Variants in RUNX1 observed in about 807,000 individuals in gnomAD.
The protein encoded by RUNX1 is runt-related transcription factor 1.
RUNX1 carries 19 observed loss-of-function variants against 42.8 expected under a neutral mutation model. The observed-to-expected ratio is 0.44, with a 90% CI of 0.31 to 0.65. The LOEUF (loss-of-function observed/expected upper bound fraction) is 0.65. Among genes scored for constraint, RUNX1 ranks in the 30% least tolerant of loss-of-function variants. RUNX1 has a pLI of 0.07. For synonymous variants in RUNX1, 271 were observed against 289.4 expected (o/e 0.94, Z 0.64); for missense variants, 528 against 672.0 (o/e 0.79, Z 2.37).
chr21:34,847,887 T>C (rs1438879163), intron 6 of RUNX1, among the ~76,000 whole-genome samples: 1 of 152,184 alleles, frequency 6.6e-6, no homozygotes, highest in Non-Finnish European at 1.5e-5. Context: ...GCCCTTATTG[T>C]ACTGTATTGT....
At chr21:34,823,610 A>G (rs2056943668) in intron 7 of RUNX1, among the ~76,000 whole-genome samples, 1 of 151,760 alleles carries the variant, frequency 6.6e-6, no homozygotes, top group African/African-American at 2.4e-5. Flanking sequence ...CACCCAGCTG[A>G]TTTTTGTATT....
At chr21:35,044,228 G>A (rs957190134) in intron 2 of RUNX1, among the ~76,000 whole-genome samples, 5 of 152,028 alleles carry the variant, frequency 3.3e-5, no homozygotes, top group East Asian at 1.9e-4. Context: ...CTGTACTCTC[G>A]GCCTAGACCA....
chr21:34,994,856 C>T (rs2058981437), intron 2 of RUNX1, among the ~76,000 whole-genome samples: 1 of 152,186 alleles, frequency 6.6e-6, no homozygotes, highest in African/African-American at 2.4e-5. Context: ...CAGCCTAATA[C>T]TGACTGGGCA....
intron 8 of RUNX1, among the ~76,000 whole-genome samples, chr21:34,794,383 T>C (rs1301923307): frequency 6.6e-6 from 1 of 152,168 alleles, no homozygotes; most frequent in Non-Finnish European, 1.5e-5. Flanking sequence ...CCATATCTAC[T>C]TTCATACTAG....
At chr21:35,038,573 CT>C (rs1347272247) in intron 2 of RUNX1, 5 of 95,980 alleles carry the variant, frequency 5.2e-5, no homozygotes, top group South Asian at 1.3e-4. Flanking sequence ...GAATGCTGGC[CT>C]CTCTCTCTCT....
At chr21:34,977,591 C>T (rs1035198315) in intron 2 of RUNX1, among the ~76,000 whole-genome samples, 2 of 152,236 alleles carry the variant, frequency 1.3e-5, no homozygotes, top group Non-Finnish European at 2.9e-5. Context: ...CCAAAACATA[C>T]TTTAAACTGT....
intron 6 of RUNX1, among the ~76,000 whole-genome samples, chr21:34,853,801 C>G (rs1569057078): frequency 6.9e-6 from 1 of 144,074 alleles, no homozygotes; most frequent in African/African-American, 2.5e-5. Flanking sequence ...TCCCTTCCTT[C>G]CCTTCCTTCC....
chr21:34,964,357 A>G (rs191875769), intron 2 of RUNX1, among the ~76,000 whole-genome samples: 10 of 152,086 alleles, frequency 6.6e-5, no homozygotes, highest in Admixed American at 5.9e-4. Context: ...GCATGGTGGC[A>G]CACGCCTGTA....
At chr21:34,802,978 T>C (rs2056628953) in intron 7 of RUNX1, among the ~76,000 whole-genome samples, 1 of 152,228 alleles carries the variant, frequency 6.6e-6, no homozygotes, top group African/African-American at 2.4e-5. Flanking sequence ...GAATAACCTT[T>C]ATGATTGTAT....
chr21:34,892,870 C>T (rs2146453949), intron 3 of RUNX1, 55 bp downstream of exon 3: 1 of 995,574 alleles, frequency 1.0e-6, no homozygotes, highest in South Asian at 1.4e-5. Context: ...AAATCATATA[C>T]ACATCTATGA....
At chr21:34,906,529 C>T (rs2058220839) in intron 2 of RUNX1, among the ~76,000 whole-genome samples, 2 of 152,156 alleles carry the variant, frequency 1.3e-5, no homozygotes, top group Admixed American at 1.3e-4. Flanking sequence ...AATTTAGGAA[C>T]AATTATCCCC....
intron 2 of RUNX1, among the ~76,000 whole-genome samples, chr21:34,926,074 T>G (rs1026825972): frequency 2.6e-5 from 4 of 152,214 alleles, no homozygotes; most frequent in African/African-American, 9.6e-5. Flanking sequence ...GGTAATATTT[T>G]GGGTAATTTT....
chr21:34,850,732 T>C (rs1287707765), intron 6 of RUNX1, among the ~76,000 whole-genome samples: 3 of 152,160 alleles, frequency 2.0e-5, no homozygotes, highest in Admixed American at 1.3e-4. Context: ...AAAGAAATTT[T>C]ACTGGGTCTC....
At chr21:34,814,218 CAAAT>C (rs1483446558) in intron 7 of RUNX1, among the ~76,000 whole-genome samples, 1 of 152,158 alleles carries the variant, frequency 6.6e-6, no homozygotes, top group Non-Finnish European at 1.5e-5. Flanking sequence ...CCCCAAATCT[CAAAT>C]AAAAGTTGGT....
rs1044404994 is a variant in RUNX1 at position 34,907,518 on chromosome 21, T to C, written c.59-14555A>G. Among the ~76,000 whole-genome samples, 11 of 152,238 alleles carry C rather than the reference T, an allele frequency of 7.2e-5. No homozygotes were observed. The highest frequency in any genetic ancestry group is 2.7e-4 in the African/African-American group (11 of 41,468). On this transcript the variant is annotated intron_variant, in intron 2 of 8. Transcript: ENST00000675419. The surrounding 1 kb of genome is among the most constrained non-coding windows in gnomAD (Gnocchi z 5.3). ...CTATTTACTTCTTACTGTTTCTTGC[T>C]ATTCAAAAAGTTTGCAAGCCTCTAG...
chr21:34,908,150 T>C (rs1008177267), intron 2 of RUNX1, among the ~76,000 whole-genome samples: 2 of 152,200 alleles, frequency 1.3e-5, no homozygotes, highest in Non-Finnish European at 2.9e-5. Flanking sequence ...AGTGGTTTCC[T>C]GATTGCAATC....
intron 6 of RUNX1, among the ~76,000 whole-genome samples, chr21:34,851,037 G>A (rs2057410787): frequency 6.6e-6 from 1 of 152,312 alleles, no homozygotes; most frequent in Non-Finnish European, 1.5e-5. Flanking sequence ...TTTTGGAGAG[G>A]CTCAGTCAGA....
chr21:35,048,769 G>A (rs1026171922), intron 2 of RUNX1, 73 bp downstream of exon 2: 1 of 1,303,092 alleles, frequency 7.7e-7, no homozygotes, highest in Middle Eastern at 1.8e-4. Context: ...CTGCACCGAG[G>A]TGAAACAAGC....
intron 5 of RUNX1, among the ~76,000 whole-genome samples, chr21:34,872,373 C>T (rs2057751191): frequency 6.6e-6 from 1 of 151,794 alleles, no homozygotes; most frequent in Admixed American, 6.5e-5. Flanking sequence ...GTGTGTACCA[C>T]CCCCACCTGC....
Sources: allele counts gnomAD v4.1 joint callset (sites outside exome capture counted in the v4.1 genomes callset), GRCh38; gene constraint gnomAD v4.1.1; non-coding constraint Gnocchi (gnomAD v3.1); transcripts MANE v1.5; gene names NCBI Gene and HGNC (gene_info 2026-07-23, HGNC 2026-07-21).